The following RBPMS variants were observed in gnomAD, a reference collection of about 807,000 sequenced individuals.
The protein encoded by RBPMS is RNA binding protein, mRNA processing factor.
A neutral mutation model predicts 26.8 loss-of-function variants in RBPMS; 7 were observed. That is an observed-to-expected ratio of 0.26 (90% CI 0.15 to 0.49). The LOEUF (loss-of-function observed/expected upper bound fraction) is 0.49. Ranked by LOEUF, RBPMS falls within the 20% of genes least tolerant of loss-of-function variation. The pLI is 0.98. For synonymous variants in RBPMS, 96 were observed against 93.3 expected, an observed-to-expected ratio of 1.03 and a Z score of -0.17; for missense variants, 186 against 250.0, an observed-to-expected ratio of 0.74 and a Z score of 1.73.
intron 5 of RBPMS, among the ~76,000 whole-genome samples, chr8:30,524,649 A>G (rs1823397116): frequency 6.6e-6 from 1 of 152,196 alleles, no homozygotes; most frequent in Non-Finnish European, 1.5e-5. Context: ...AGCAGTTAAC[A>G]TAGGAGGGTT....
chr8:30,442,274 A>G (rs1813172364), intron 1 of RBPMS, among the ~76,000 whole-genome samples: 1 of 152,116 alleles, frequency 6.6e-6, no homozygotes, highest in Admixed American at 6.5e-5. Flanking sequence ...AGGCAAACTT[A>G]AGCCAAAATA....
intron 1 of RBPMS, among the ~76,000 whole-genome samples, chr8:30,424,424 A>G (rs1418072046): frequency 6.6e-6 from 1 of 152,204 alleles, no homozygotes; most frequent in African/African-American, 2.4e-5. Flanking sequence ...GAAAGGGGAT[A>G]TCACTGAGAC....
intron 6 of RBPMS, chr8:30,556,171 T>C: frequency 1.0e-6 from 1 of 985,422 alleles, no homozygotes; most frequent in Non-Finnish European, 1.2e-6. Flanking sequence ...CAGGGGTCTG[T>C]GTGTCCGCCA....
intron 5 of RBPMS, among the ~76,000 whole-genome samples, chr8:30,524,175 G>A (rs1192024368): frequency 6.6e-6 from 1 of 152,074 alleles, no homozygotes; most frequent in Non-Finnish European, 1.5e-5. Flanking sequence ...CAATCAAGAG[G>A]CACATAAGGA....
At chr8:30,554,478 C>G (rs1011075810) in intron 6 of RBPMS, among the ~76,000 whole-genome samples, 1 of 152,216 alleles carries the variant, frequency 6.6e-6, no homozygotes, top group Non-Finnish European at 1.5e-5. Flanking sequence ...CCACACATAT[C>G]AAGAAACTGC....
At chr8:30,457,450 T>C (rs1040687832) in intron 1 of RBPMS, among the ~76,000 whole-genome samples, 3 of 152,214 alleles carry the variant, frequency 2.0e-5, no homozygotes, top group African/African-American at 7.2e-5. Context: ...TTAATTTGTT[T>C]AGTGATATGC....
chr8:30,533,464 G>A (rs1428622020), intron 5 of RBPMS, among the ~76,000 whole-genome samples: 1 of 152,236 alleles, frequency 6.6e-6, no homozygotes, highest in Non-Finnish European at 1.5e-5. Context: ...ACACTTTGTT[G>A]CTAGCAGCTT....
At chr8:30,496,299 T>G (rs1028247280) in intron 4 of RBPMS, among the ~76,000 whole-genome samples, 5 of 151,934 alleles carry the variant, frequency 3.3e-5, no homozygotes, top group South Asian at 2.1e-4. Context: ...CTCCCAAGTA[T>G]CTGGGACTAC....
chr8:30,409,892 A>G (rs1294056025), intron 1 of RBPMS, among the ~76,000 whole-genome samples: 1 of 152,076 alleles, frequency 6.6e-6, no homozygotes, highest in Non-Finnish European at 1.5e-5. Flanking sequence ...TGGCCTCCCA[A>G]AGTGCTGGGA....
chr8:30,479,191 T>G (rs1818020097), intron 3 of RBPMS, 124 bp from the exon 4 acceptor site: 1 of 713,632 alleles, frequency 1.4e-6, no homozygotes, highest in African/African-American at 1.8e-5. Flanking sequence ...CTTCGCTTTC[T>G]TATTTCTGCC....
chr8:30,557,105 C>T (rs1826995825), intron 6 of RBPMS, among the ~76,000 whole-genome samples: 1 of 152,166 alleles, frequency 6.6e-6, no homozygotes, highest in Non-Finnish European at 1.5e-5. Context: ...TACTGGGGAC[C>T]CTGCTCTAGC....
intron 4 of RBPMS, among the ~76,000 whole-genome samples, chr8:30,487,774 A>G (rs541707507): frequency 2.6e-5 from 4 of 152,276 alleles, no homozygotes; most frequent in African/African-American, 4.8e-5. Context: ...AATCTAAAAG[A>G]TAATAAAATC....
rs758895113 is a variant in RBPMS, at chr8:30,412,133, G to C, written c.66+26975G>C. ...TGGTGCCTACTAGGAAGGGCTGCCA[G>C]CTCCTTACACACCTTGCTATAATTA... On this transcript the variant is annotated intron_variant, in intron 1 of 8. Coordinates refer to ENST00000397323, the MANE Select transcript of RBPMS (RefSeq NM_001008710.3). Among the ~76,000 whole-genome samples the C allele has an allele frequency of 7.9e-5, 12 of 152,224 alleles. No homozygotes were observed. The South Asian group carries it at 1.2e-3, about 16-fold the overall frequency.
At chr8:30,512,625 G>A (rs563355113) in intron 5 of RBPMS, among the ~76,000 whole-genome samples, 1 of 152,050 alleles carries the variant, frequency 6.6e-6, no homozygotes, top group Non-Finnish European at 1.5e-5. Context: ...CTCCTGGCTA[G>A]TTTAAAAAAA....
chr8:30,414,987 G>A (rs1220725823), intron 1 of RBPMS, among the ~76,000 whole-genome samples: 3 of 151,808 alleles, frequency 2.0e-5, no homozygotes, highest in Non-Finnish European at 4.4e-5. Context: ...TTCATTTCTC[G>A]TGGTCCTGCA....
intron 6 of RBPMS, among the ~76,000 whole-genome samples, chr8:30,546,317 C>T (rs1825864945): frequency 6.6e-6 from 1 of 152,232 alleles, no homozygotes; most frequent in African/African-American, 2.4e-5. Flanking sequence ...AAGCCTTTCA[C>T]CCTTACCCTG....
chr8:30,461,758 T>C (rs928269782), intron 1 of RBPMS, among the ~76,000 whole-genome samples: 3 of 152,222 alleles, frequency 2.0e-5, no homozygotes, highest in Non-Finnish European at 4.4e-5. Flanking sequence ...CTGCCTGTAG[T>C]AACATCTTAG....
intron 1 of RBPMS, among the ~76,000 whole-genome samples, chr8:30,417,254 C>T (rs150404189): frequency 1.6e-4 from 24 of 152,252 alleles, no homozygotes; most frequent in African/African-American, 4.6e-4. Context: ...AAATATATCA[C>T]GATGACTGGA....
intron 5 of RBPMS, among the ~76,000 whole-genome samples, chr8:30,528,083 G>A (rs1443986933): frequency 6.6e-6 from 1 of 152,042 alleles, no homozygotes; most frequent in East Asian, 1.9e-4. Context: ...GCTGAGGCAG[G>A]AGAATCGCTT....
Sources: gnomAD v4.1 joint callset for allele counts (sites outside exome capture counted in the v4.1 genomes callset) on GRCh38, gnomAD v4.1.1 for gene constraint, MANE v1.5 for transcripts, NCBI Gene and HGNC (gene_info 2026-07-23, HGNC 2026-07-21) for gene names.